PKHD1: variants seen among roughly 807,000 people sequenced by gnomAD.
PKHD1 encodes the protein PKHD1 ciliary IPT domain containing fibrocystin/polyductin.
Under a neutral mutation model 412.0 loss-of-function variants are expected in PKHD1, and 291 were observed. That is an observed-to-expected ratio of 0.71 (90% CI 0.64 to 0.78). The LOEUF (loss-of-function observed/expected upper bound fraction) is 0.78. Among genes scored for constraint, PKHD1 ranks in the 30% least tolerant of loss-of-function variants. The probability of loss-of-function intolerance (pLI) is 0.00; values close to 1 mark genes in which losing one functional copy is unlikely to be tolerated. For synonymous variants in PKHD1, 1,777 were observed against 1,821.5 expected (o/e 0.98, Z 0.62); for missense variants, 4,825 against 4,950.7 (o/e 0.97, Z 0.76).
At chr6:51,956,115 T>C (rs1315676192) in intron 36 of PKHD1, among the ~76,000 whole-genome samples, 1 of 152,076 alleles carries the variant, frequency 6.6e-6, no homozygotes, top group Non-Finnish European at 1.5e-5. Flanking sequence ...AAAGTTGTAG[T>C]TCTTCACCAG....
rs1178388271 is a variant in PKHD1 at position 51,794,981 on chromosome 6, T to C, written c.8303-3608A>G. ...ACATGATGCCTCTAGCTTTTCTCTT[T>C]TTGCTTAGGATTGCCTTGGCTATTC... On this transcript the variant is annotated intron_variant, in intron 52 of 66. Transcript: ENST00000371117. Among the ~76,000 whole-genome samples, 3 of 152,332 alleles carry C rather than the reference T, an allele frequency of 2.0e-5. No individual in the cohort carries two copies. The East Asian group carries it at 5.8e-4, about 29-fold the overall frequency.
chr6:51,914,358 G>A (rs1056299471), intron 37 of PKHD1, among the ~76,000 whole-genome samples: 5 of 152,002 alleles, frequency 3.3e-5, no homozygotes, highest in Admixed American at 2.0e-4. Flanking sequence ...AGTAAAACTA[G>A]CTTATAACTT....
intron 29 of PKHD1, among the ~76,000 whole-genome samples, chr6:52,029,855 G>A (rs1019631118): frequency 2.0e-5 from 3 of 152,174 alleles, no homozygotes; most frequent in African/African-American, 7.2e-5. Flanking sequence ...GGCAGTGACC[G>A]CCAAAGACTT....
chr6:52,064,454 T>C (rs1809184323), intron 13 of PKHD1, among the ~76,000 whole-genome samples: 1 of 152,182 alleles, frequency 6.6e-6, no homozygotes. Context: ...AACATCACAA[T>C]ATATCCCTGT....
intron 24 of PKHD1, among the ~76,000 whole-genome samples, chr6:52,045,438 G>T (rs902537323): frequency 6.6e-6 from 1 of 152,194 alleles, no homozygotes; most frequent in South Asian, 2.1e-4. Flanking sequence ...CATGAGATAA[G>T]AGCAAGGTCT....
chr6:51,846,211 C>G (rs931789571), intron 50 of PKHD1, among the ~76,000 whole-genome samples: 7 of 151,938 alleles, frequency 4.6e-5, no homozygotes, highest in Non-Finnish European at 1.0e-4. Flanking sequence ...AAAAAAAGAC[C>G]AAGGGAGCAC....
At chr6:51,868,264 C>T (rs1775406742) in intron 47 of PKHD1, among the ~76,000 whole-genome samples, 155 bp from the exon 48 acceptor site, 1 of 152,092 alleles carries the variant, frequency 6.6e-6, no homozygotes, top group East Asian at 1.9e-4. Context: ...GGGTGTTTTA[C>T]AGTGAGTGTT....
At chr6:51,635,645 A>G (rs912528312) in intron 64 of PKHD1, among the ~76,000 whole-genome samples, 1 of 152,042 alleles carries the variant, frequency 6.6e-6, no homozygotes, top group Non-Finnish European at 1.5e-5. Flanking sequence ...AGAAAACTAA[A>G]GTGAGTTTAT....
rs192617557 is a variant in PKHD1 at position 51,753,134 on chromosome 6, G to A, written c.8950+67C>T. 5.4e-4 allele frequency: 731 copies of A among 1,356,052 alleles called. 1 individual carries two copies. The highest frequency in any genetic ancestry group is 7.0e-4 in the Non-Finnish European group (669 of 950,750). 84.0% of individuals were successfully genotyped at this position (1,356,052 alleles called of 1,614,324 possible). On this transcript the variant is annotated intron_variant, in intron 57 of 66. Coordinates refer to ENST00000371117, the MANE Select transcript of PKHD1 (RefSeq NM_138694.4). ...TATAAATGAAAATTCTCACAGTTGG[G>A]ATTTCTGGGTGTCCCAGATGAATAG...
rs767428345 is a variant in PKHD1, at chr6:51,836,396, A to G, written c.8173+8T>C. On this transcript the variant is annotated splice_region_variant and intron_variant, in intron 51 of 66. Coordinates refer to ENST00000371117, the MANE Select transcript of PKHD1 (RefSeq NM_138694.4). The stretch of plus-strand genomic sequence containing the variant: ...CTAGACACTTCTACTTCGTGTGTTA[A>G]TACTCACCTGAAATAGTTGGGGGCA... The G allele has an allele frequency of 1.3e-6, 2 of 1,591,694 alleles. No homozygotes were observed. The highest frequency in any genetic ancestry group is 3.3e-5 in the Admixed American group (2 of 59,966).
intron 62 of PKHD1, 53 bp downstream of exon 62, chr6:51,649,032 A>G: frequency 6.5e-7 from 1 of 1,549,318 alleles, no homozygotes; most frequent in Non-Finnish European, 8.9e-7. Flanking sequence ...GATAGGCTGA[A>G]TGCTACATGC....
chr6:51,647,074 T>C (rs1162406499), intron 63 of PKHD1, among the ~76,000 whole-genome samples: 4 of 152,226 alleles, frequency 2.6e-5, no homozygotes, highest in African/African-American at 9.6e-5. Flanking sequence ...TCTCCCTTAG[T>C]TATGAGGCTC....
intron 66 of PKHD1, among the ~76,000 whole-genome samples, chr6:51,623,455 T>C (rs1039763642): frequency 6.6e-6 from 1 of 152,158 alleles, no homozygotes; most frequent in Non-Finnish European, 1.5e-5. Context: ...TATATTTGAG[T>C]GAGTTATTCA....
At chr6:52,062,261 A>G (rs1050052500) in intron 14 of PKHD1, among the ~76,000 whole-genome samples, 2 of 152,238 alleles carry the variant, frequency 1.3e-5, no homozygotes, top group Non-Finnish European at 2.9e-5. Context: ...GCTCAGCTCA[A>G]TGTTCTAGTT....
intron 54 of PKHD1, among the ~76,000 whole-genome samples, chr6:51,774,575 G>T (rs1189818345): frequency 6.6e-6 from 1 of 151,828 alleles, no homozygotes; most frequent in Admixed American, 6.6e-5. Flanking sequence ...TAAATAGCAT[G>T]CATGGAAAAA....
intron 48 of PKHD1, among the ~76,000 whole-genome samples, chr6:51,858,178 G>A (rs1451096343): frequency 6.6e-6 from 1 of 151,950 alleles, no homozygotes. Flanking sequence ...TCAGTTATGG[G>A]GTGTTTACAT....
intron 35 of PKHD1, among the ~76,000 whole-genome samples, chr6:51,968,771 A>C: frequency 6.6e-6 from 1 of 152,202 alleles, no homozygotes; most frequent in East Asian, 1.9e-4. Context: ...CCAGAAAAAC[A>C]TGGAACAGAC....
At chr6:51,791,189 C>T (rs1379265410) in intron 53 of PKHD1, 47 bp downstream of exon 53, 2 of 1,596,208 alleles carry the variant, frequency 1.3e-6, no homozygotes, top group Admixed American at 1.7e-5. Flanking sequence ...CCCCTTCTCA[C>T]AGAATATAAT....
At chr6:51,905,585 A>T (rs2127633199) in intron 41 of PKHD1, among the ~76,000 whole-genome samples, 1 of 152,338 alleles carries the variant, frequency 6.6e-6, no homozygotes, top group East Asian at 1.9e-4. Context: ...GAGAAAAAAA[A>T]CAAGACAAGT....
Sources: gnomAD v4.1 joint callset for allele counts (sites outside exome capture counted in the v4.1 genomes callset) on GRCh38, gnomAD v4.1.1 for gene constraint, MANE v1.5 for transcripts, NCBI Gene and HGNC (gene_info 2026-07-23, HGNC 2026-07-21) for gene names.